Variants in ADAMTSL1 observed in about 807,000 individuals in gnomAD.
The protein encoded by ADAMTSL1 is ADAMTS like 1, also known as ADAMTS-like protein 1.
A neutral mutation model predicts 201.8 loss-of-function variants in ADAMTSL1; 126 were observed. The observed-to-expected ratio is 0.62, with a 90% CI of 0.54 to 0.72. ADAMTSL1 has a LOEUF of 0.72. Among genes scored for constraint, ADAMTSL1 ranks in the 30% least tolerant of loss-of-function variants. The pLI, the probability that ADAMTSL1 is intolerant of heterozygous loss-of-function variation, is 0.00. For synonymous variants in ADAMTSL1, 1,121 were observed against 903.4 expected, an observed-to-expected ratio of 1.24 and a Z score of -4.32; for missense variants, 2,679 against 2,277.8, an observed-to-expected ratio of 1.18 and a Z score of -3.59.
intron 2 of ADAMTSL1, among the ~76,000 whole-genome samples, chr9:18,175,391 T>C (rs1047337077): frequency 6.6e-6 from 1 of 152,176 alleles, no homozygotes; most frequent in Non-Finnish European, 1.5e-5. Context: ...CAATATAATA[T>C]TGGTAACGAT....
chr9:18,893,570 G>A (rs1448125779), intron 26 of ADAMTSL1, among the ~76,000 whole-genome samples: 1 of 152,202 alleles, frequency 6.6e-6, no homozygotes, highest in Admixed American at 6.5e-5. Context: ...AACTGGGGAT[G>A]CTGAATTTCT....
chr9:18,064,015 A>AT (rs1217626535), intron 1 of ADAMTSL1, among the ~76,000 whole-genome samples: 2 of 152,052 alleles, frequency 1.3e-5, no homozygotes. Context: ...CACCATGCAT[A>AT]TTTTTATGAA....
chr9:18,281,271 G>A (rs906149272), intron 2 of ADAMTSL1, among the ~76,000 whole-genome samples: 8 of 151,978 alleles, frequency 5.3e-5, no homozygotes, highest in African/African-American at 1.9e-4. Flanking sequence ...GGGGAGAAGG[G>A]AAAAGATATA....
At chr9:18,445,075 T>C (rs1820136596) in intron 2 of ADAMTSL1, among the ~76,000 whole-genome samples, 1 of 152,144 alleles carries the variant, frequency 6.6e-6, no homozygotes, top group Admixed American at 6.5e-5. Context: ...GCTCAAGTTC[T>C]TAAACACTGT....
intron 23 of ADAMTSL1, among the ~76,000 whole-genome samples, chr9:18,867,402 T>C (rs754359799): frequency 2.0e-5 from 3 of 152,228 alleles, no homozygotes; most frequent in African/African-American, 4.8e-5. Flanking sequence ...GTAAAAGCAA[T>C]TGTTTAGACA....
In ADAMTSL1 at chr9:18,176,016, A is replaced by AT. The variant is rs1322086196; in HGVS notation, c.207+12035_207+12036insT. Among the ~76,000 whole-genome samples, 39 of 136,090 alleles carry AT rather than the reference A, an allele frequency of 2.9e-4. 1 individual carries two copies. Among genetic ancestry groups the AT allele is most frequent in the East Asian group, 2.1e-3 (10 of 4,706 alleles). The allele number at this position is 136,090 out of a possible 152,430, so 89.3% of individuals were successfully genotyped here. A position where few individuals can be genotyped will look rare whatever the true frequency, so the allele number is the denominator to read the frequency against. On this transcript the variant is annotated intron_variant, in intron 2 of 29. Transcript: ENST00000680146. ...CTAAGAAGAGGGAAAGCAAAAAAAA[A>AT]AAAAAAAAAAAAAAAAAGGCAAACA... is the stretch of plus-strand genomic sequence containing the variant.
At chr9:17,959,960 G>GT (rs1330899001) in intron 1 of ADAMTSL1, among the ~76,000 whole-genome samples, 1 of 152,112 alleles carries the variant, frequency 6.6e-6, no homozygotes, top group Non-Finnish European at 1.5e-5. Context: ...AGAAAGGGTG[G>GT]TGTATTAGTT....
At chr9:18,731,626 GA>G (rs1207254456) in intron 15 of ADAMTSL1, among the ~76,000 whole-genome samples, 2 of 152,032 alleles carry the variant, frequency 1.3e-5, no homozygotes, top group Non-Finnish European at 2.9e-5. Context: ...AAAAAAGGAA[GA>G]AAAAAGAAAA....
chr9:18,732,607 G>T (rs1044995949), intron 15 of ADAMTSL1, among the ~76,000 whole-genome samples: 2 of 152,170 alleles, frequency 1.3e-5, no homozygotes, highest in Admixed American at 1.3e-4. Context: ...CCTGGGATAA[G>T]GCAGGAAGAA....
At chr9:18,896,299 G>A (rs1248121239) in intron 26 of ADAMTSL1, among the ~76,000 whole-genome samples, 8 of 152,176 alleles carry the variant, frequency 5.3e-5, no homozygotes, top group African/African-American at 1.9e-4. Flanking sequence ...AACAAAGAGG[G>A]AATCTTGAAA....
At chr9:17,993,570 G>C (rs1440910671) in intron 1 of ADAMTSL1, among the ~76,000 whole-genome samples, 1 of 152,132 alleles carries the variant, frequency 6.6e-6, no homozygotes, top group East Asian at 1.9e-4. Context: ...CTAATGAGAA[G>C]TGACAGGATT....
intron 4 of ADAMTSL1, among the ~76,000 whole-genome samples, chr9:18,575,129 A>C (rs76789501): frequency 6.6e-6 from 1 of 152,308 alleles, no homozygotes; most frequent in East Asian, 1.9e-4. Context: ...CACGGCTAGG[A>C]ATGTAAGAGA....
At chr9:18,297,826 A>T (rs1392418626) in intron 2 of ADAMTSL1, among the ~76,000 whole-genome samples, 1 of 152,234 alleles carries the variant, frequency 6.6e-6, no homozygotes, top group African/African-American at 2.4e-5. Flanking sequence ...TCTGTTAAAA[A>T]ATATTGTACC....
At chr9:18,346,918 C>T (rs1028949776) in intron 2 of ADAMTSL1, among the ~76,000 whole-genome samples, 21 of 152,116 alleles carry the variant, frequency 1.4e-4, no homozygotes, top group Admixed American at 5.2e-4. Flanking sequence ...GCACATTCTC[C>T]TCCTTCCATT....
At chr9:18,254,577 A>T (rs377233285) in intron 2 of ADAMTSL1, among the ~76,000 whole-genome samples, 62 of 151,256 alleles carry the variant, frequency 4.1e-4, no homozygotes, top group Admixed American at 3.0e-3. Context: ...GTTAGCCAGG[A>T]TGGTCTCGAT....
At chr9:18,197,245 A>T (rs1829220345) in intron 2 of ADAMTSL1, among the ~76,000 whole-genome samples, 1 of 152,134 alleles carries the variant, frequency 6.6e-6, no homozygotes, top group Non-Finnish European at 1.5e-5. Context: ...TGGGGATGGC[A>T]TTGAATCTGT....
intron 1 of ADAMTSL1, among the ~76,000 whole-genome samples, chr9:17,967,366 A>G (rs1456780780): frequency 6.6e-6 from 1 of 152,134 alleles, no homozygotes; most frequent in Non-Finnish European, 1.5e-5. Flanking sequence ...TCAATTTGCC[A>G]TGATTACTAT....
At chr9:18,350,038 C>T (rs976892444) in intron 2 of ADAMTSL1, among the ~76,000 whole-genome samples, 1 of 151,856 alleles carries the variant, frequency 6.6e-6, no homozygotes, top group East Asian at 1.9e-4. Flanking sequence ...CGGGCCTGAG[C>T]ACAGCCAGAA....
intron 1 of ADAMTSL1, among the ~76,000 whole-genome samples, chr9:18,088,391 C>T (rs1035812480): frequency 6.6e-6 from 1 of 152,114 alleles, no homozygotes; most frequent in African/African-American, 2.4e-5. Context: ...CAAAATTAGA[C>T]AAGTCACACC....
Sources: gnomAD v4.1 joint callset for allele counts (sites outside exome capture counted in the v4.1 genomes callset) on GRCh38, gnomAD v4.1.1 for gene constraint, MANE v1.5 for transcripts, NCBI Gene and HGNC (gene_info 2026-07-23, HGNC 2026-07-21) for gene names.